The following MGAT5B variants were observed in gnomAD, a reference collection of about 807,000 sequenced individuals.
The protein encoded by MGAT5B is alpha-1,6-mannosylglycoprotein 6-beta-N-acetylglucosaminyltransferase B.
A neutral mutation model predicts 95.1 loss-of-function variants in MGAT5B; 54 were observed. The ratio of observed to expected loss-of-function variants is 0.57; its 90% CI spans 0.46 to 0.71. The LOEUF is 0.71. Among genes scored for constraint, MGAT5B ranks in the 30% least tolerant of loss-of-function variants. MGAT5B has a pLI of 0.00. For missense variants in MGAT5B, 935 were observed against 1,088.6 expected, an observed-to-expected ratio of 0.86 and a Z score of 1.99; for synonymous variants, 464 against 451.0, an observed-to-expected ratio of 1.03 and a Z score of -0.36.
rs555825605 is a variant in MGAT5B, at chr17:76,869,666, C to A, written c.68+569C>A. On this transcript the variant is annotated intron_variant, in intron 1 of 17. Transcript: ENST00000569840. The surrounding 1 kb of genome is among the most constrained non-coding windows in gnomAD (Gnocchi z 7.0). ...CCCGAGATTAGAGCGAGGACTCGCTCATCCCAGGATTCGCCCCCGATCGCA... is the reference window on the plus strand; with the variant it reads ...CCCGAGATTAGAGCGAGGACTCGCTAATCCCAGGATTCGCCCCCGATCGCA... Among the ~76,000 whole-genome samples the A allele has an allele frequency of 1.3e-5, 2 of 152,372 alleles. No homozygotes were observed. The highest frequency in any genetic ancestry group is 4.1e-4 in the South Asian group (2 of 4,834).
chr17:76,894,488 C>T (rs1459289585), intron 3 of MGAT5B, among the ~76,000 whole-genome samples: 5 of 152,190 alleles, frequency 3.3e-5, no homozygotes, highest in African/African-American at 7.2e-5. Flanking sequence ...ATGGTTTTCT[C>T]GTGTCCTCCT....
intron 3 of MGAT5B, among the ~76,000 whole-genome samples, chr17:76,888,269 C>T (rs369371835): frequency 3.3e-5 from 5 of 152,000 alleles, no homozygotes; most frequent in Admixed American, 3.3e-4. Flanking sequence ...GAGAGCAGTG[C>T]GAATGCAAGC....
At position 76,912,299 on chromosome 17, in the gene MGAT5B, C is replaced by A. The variant is rs1033882214; in HGVS notation, c.1025+6112C>A. Among the ~76,000 whole-genome samples the A allele has an allele frequency of 6.6e-6, 1 of 152,120 alleles. No individual in the cohort carries two copies. Among genetic ancestry groups the A allele is most frequent in the Non-Finnish European group, 1.5e-5 (1 of 68,020 alleles). On this transcript the variant is annotated intron_variant, in intron 8 of 17. Transcript: ENST00000569840. This position sits in a 1 kb window ranked among gnomAD's most constrained non-coding sequence, Gnocchi z 5.0. The stretch of plus-strand genomic sequence containing the variant: ...GGGGGGCCCTGGGCAGAGTTCCCAG[C>A]GAGCAACCGCGAGCCCTTCAGGGAG...
chr17:76,933,528 C>T (rs555517794), intron 12 of MGAT5B, among the ~76,000 whole-genome samples: 11 of 152,254 alleles, frequency 7.2e-5, no homozygotes. Context: ...AGGTCAAGGT[C>T]CTGCTTGGCA....
rs901438860 is a variant in MGAT5B at position 76,950,045 on chromosome 17, G to T, written c.*1207G>T. The T allele has an allele frequency of 2.0e-5, 3 of 151,550 alleles. No individual in the cohort carries two copies. The highest frequency in any genetic ancestry group is 7.3e-5 in the African/African-American group (3 of 40,896). 9.4% of individuals were successfully genotyped at this position (151,550 alleles called of 1,614,324 possible). A position where few individuals can be genotyped will look rare whatever the true frequency, so the allele number is the denominator to read the frequency against. ...CATGCCCAGAGCCCCGCCTGCCTCA[G>T]CGGGTCAGGCCTTCAGAACACTGCC... is the stretch of plus-strand genomic sequence containing the variant. On this transcript the variant is annotated 3_prime_UTR_variant, in exon 18 of 18. Coordinates refer to ENST00000569840, the MANE Select transcript of MGAT5B (RefSeq NM_001199172.2).
intron 6 of MGAT5B, among the ~76,000 whole-genome samples, chr17:76,904,797 T>C (rs1968459628): frequency 6.6e-6 from 1 of 152,236 alleles, no homozygotes; most frequent in African/African-American, 2.4e-5. Context: ...ATCTGAGGTT[T>C]ACAATTGAAT....
chr17:76,933,837 C>T (rs1053694766), intron 12 of MGAT5B, among the ~76,000 whole-genome samples: 5 of 152,130 alleles, frequency 3.3e-5, no homozygotes, highest in African/African-American at 4.8e-5. Context: ...TGGCGTTCCC[C>T]GGGGTCTTCT....
intron 3 of MGAT5B, among the ~76,000 whole-genome samples, chr17:76,884,503 G>A (rs910249898): frequency 2.0e-5 from 3 of 151,928 alleles, no homozygotes; most frequent in African/African-American, 7.3e-5. Flanking sequence ...GCACGGTCTC[G>A]GGTCACTGCA....
At chr17:76,942,750 C>T (rs144336432) in intron 15 of MGAT5B, among the ~76,000 whole-genome samples, 5 of 152,272 alleles carry the variant, frequency 3.3e-5, no homozygotes, top group East Asian at 3.9e-4. Context: ...GCCCCCTGCA[C>T]GGGGAAGCTG....
chr17:76,879,063 CAG>C, intron 2 of MGAT5B, among the ~76,000 whole-genome samples: 2 of 152,196 alleles, frequency 1.3e-5, no homozygotes, highest in African/African-American at 2.4e-5. Context: ...TGTTGACTTT[CAG>C]GGGCCTCTGC....
intron 8 of MGAT5B, among the ~76,000 whole-genome samples, chr17:76,907,200 G>A (rs1211164732): frequency 2.0e-5 from 3 of 151,968 alleles, no homozygotes; most frequent in East Asian, 1.9e-4. Context: ...ACAGGCCCAC[G>A]CCGCCACGCC....
chr17:76,932,114 G>A lies in MGAT5B; in HGVS notation c.1292-531G>A, dbSNP rs1195395149. Reference sequence around the variant, plus strand: ...CCCCCCCTTCTTCGTCTTTGTCTTCGTCTTCTTTGTCTTCTCCTTCTTTCT... The same window carrying A: ...CCCCCCCTTCTTCGTCTTTGTCTTCATCTTCTTTGTCTTCTCCTTCTTTCT... On this transcript the variant is annotated intron_variant, in intron 10 of 17. Coordinates refer to ENST00000569840, the MANE Select transcript of MGAT5B (RefSeq NM_001199172.2). Among the ~76,000 whole-genome samples the A allele has an allele frequency of 1.2e-4, 12 of 100,856 alleles. No homozygotes were observed. The South Asian group carries it at 1.9e-3, about 16-fold the overall frequency. The allele number at this position is 100,856 out of a possible 152,430, so 66.2% of individuals were successfully genotyped here.
intron 3 of MGAT5B, among the ~76,000 whole-genome samples, chr17:76,882,850 G>A (rs1967485010): frequency 1.3e-5 from 2 of 151,124 alleles, no homozygotes; most frequent in Admixed American, 6.6e-5. Context: ...GAGTAGCTGG[G>A]ACTACAGGCG....
chr17:76,942,981 C>T (rs1969908596), intron 15 of MGAT5B, among the ~76,000 whole-genome samples: 1 of 152,140 alleles, frequency 6.6e-6, no homozygotes, highest in Non-Finnish European at 1.5e-5. Flanking sequence ...GCCCAACCTC[C>T]AAGACACATT....
chr17:76,909,265 C>T (rs1350274220), intron 8 of MGAT5B, among the ~76,000 whole-genome samples: 4 of 152,232 alleles, frequency 2.6e-5, no homozygotes, highest in Non-Finnish European at 5.9e-5. Context: ...GCCCGGCCTA[C>T]TCTGCTATCT....
Position 76,869,641 on chromosome 17 carries a change from C to G in MGAT5B, c.68+544C>G, listed in dbSNP as rs1017176943. ...TCGGGCCTGGCTCCGACGAGAGGGT[C>G]CCGAGATTAGAGCGAGGACTCGCTC... On this transcript the variant is annotated intron_variant, in intron 1 of 17. Transcript: ENST00000569840. This position sits in a 1 kb window ranked among gnomAD's most constrained non-coding sequence, Gnocchi z 7.0. Among the ~76,000 whole-genome samples, 1 of 152,212 alleles carries G rather than the reference C, an allele frequency of 6.6e-6. No individual in the cohort carries two copies. Among genetic ancestry groups the G allele is most frequent in the Admixed American group, 6.5e-5 (1 of 15,288 alleles).
intron 3 of MGAT5B, among the ~76,000 whole-genome samples, chr17:76,892,072 GGTCT>G (rs1967889591): frequency 6.6e-6 from 1 of 152,118 alleles, no homozygotes; most frequent in Non-Finnish European, 1.5e-5. Flanking sequence ...TTTGAGACAG[GGTCT>G]CACTCTGTTG....
intron 9 of MGAT5B, among the ~76,000 whole-genome samples, chr17:76,925,775 T>C (rs1299317689): frequency 6.6e-6 from 1 of 152,136 alleles, no homozygotes; most frequent in Non-Finnish European, 1.5e-5. Flanking sequence ...CTGCAGACAA[T>C]TCTGGGTCAC....
intron 8 of MGAT5B, among the ~76,000 whole-genome samples, chr17:76,923,304 C>T (rs1248351443): frequency 6.6e-6 from 1 of 152,178 alleles, no homozygotes; most frequent in Non-Finnish European, 1.5e-5. Context: ...AGCTCATCAC[C>T]TCCCCAGCCT....
Sources: allele counts gnomAD v4.1 joint callset (sites outside exome capture counted in the v4.1 genomes callset), GRCh38; gene constraint gnomAD v4.1.1; non-coding constraint Gnocchi (gnomAD v3.1); transcripts MANE v1.5; gene names NCBI Gene and HGNC (gene_info 2026-07-23, HGNC 2026-07-21).